LRP1B: variants seen among roughly 807,000 people sequenced by gnomAD.
LRP1B encodes the protein LDL receptor related protein 1B.
A neutral mutation model predicts 556.6 loss-of-function variants in LRP1B; 217 were observed. The ratio of observed to expected loss-of-function variants is 0.39; its 90% CI spans 0.35 to 0.44. The LOEUF (loss-of-function observed/expected upper bound fraction) is 0.44. Among genes scored for constraint, LRP1B ranks in the 20% least tolerant of loss-of-function variants. The probability of loss-of-function intolerance (pLI) is 1.00; values close to 1 mark genes in which losing one functional copy is unlikely to be tolerated. For synonymous variants in LRP1B, 2,047 were observed against 1,865.8 expected (o/e 1.10, Z -2.50); for missense variants, 5,053 against 5,620.8 (o/e 0.90, Z 3.23).
At chr2:141,802,230 C>G (rs1696030958) in intron 2 of LRP1B, among the ~76,000 whole-genome samples, 1 of 152,076 alleles carries the variant, frequency 6.6e-6, no homozygotes, top group Non-Finnish European at 1.5e-5. Flanking sequence ...GAGGGATTCT[C>G]CTCTCTTGTA....
intron 27 of LRP1B, among the ~76,000 whole-genome samples, chr2:140,858,009 A>G (rs1458266332): frequency 6.6e-6 from 1 of 152,184 alleles, no homozygotes; most frequent in African/African-American, 2.4e-5. Context: ...ATTTTAAAAA[A>G]CCATCTAGGA....
chr2:140,906,336 C>A (rs1405904816), intron 22 of LRP1B, among the ~76,000 whole-genome samples: 2 of 152,130 alleles, frequency 1.3e-5, no homozygotes. Flanking sequence ...AGAAGAAATT[C>A]TCTCATTACT....
chr2:140,982,672 T>G (rs1696805964), intron 17 of LRP1B, among the ~76,000 whole-genome samples: 1 of 152,138 alleles, frequency 6.6e-6, no homozygotes, highest in South Asian at 2.1e-4. Flanking sequence ...CAAGAAAACT[T>G]TTTTTGTAGT....
chr2:141,963,080 T>C (rs893041317), intron 1 of LRP1B, among the ~76,000 whole-genome samples: 1 of 151,812 alleles, frequency 6.6e-6, no homozygotes, highest in African/African-American at 2.4e-5. Flanking sequence ...GTTTTTTCTA[T>C]CTAAAAATCA....
chr2:141,033,630 G>C (rs527505153), intron 11 of LRP1B, among the ~76,000 whole-genome samples: 13 of 152,078 alleles, frequency 8.5e-5, no homozygotes, highest in Non-Finnish European at 1.6e-4. Context: ...ATTAGGCTTA[G>C]ATGAGGTCAT....
rs138812147 is a variant in LRP1B, at chr2:140,702,507, C to G, written c.6070G>C (p.Ala2024Pro). Residue 2024 changes from alanine (A) to proline (P), a missense_variant, in exon 38 of 91, where the codon GCT becomes CCT. By Grantham distance (27) the Ala-to-Pro change is conservative. Around this residue, in one of 5 missense-constraint regions of LRP1B, gnomAD observed 3,619 missense variants for 3,931.9 expected, o/e 0.92. Transcript: ENST00000389484. ...EWGQMPCIGK[A>P]RLDGSEKVVL... is the part of the protein sequence containing the mutation. ...ACCTTCTCTGAGCCATCCAAGCGAG[C>G]CTTTCCAATACAGGGCATTTGTCCC... The G allele has an allele frequency of 6.2e-7, 1 of 1,613,442 alleles. No individual in the cohort carries two copies.
At chr2:141,044,903 A>C (rs1698820959) in intron 11 of LRP1B, among the ~76,000 whole-genome samples, 1 of 151,544 alleles carries the variant, frequency 6.6e-6, no homozygotes, top group Non-Finnish European at 1.5e-5. Flanking sequence ...CATTTGACCC[A>C]GCCATCCCAT....
Position 140,502,950 on chromosome 2 carries a change from T to C in LRP1B, c.8662+13A>G. Reference sequence around the variant, plus strand: ...ACTTTAGAGTAAATGCGGTATTGTATATATTTCTGTACCTGCACTTTTACA... The same window carrying C: ...ACTTTAGAGTAAATGCGGTATTGTACATATTTCTGTACCTGCACTTTTACA... On this transcript the variant is annotated intron_variant, in intron 54 of 90. Transcript: ENST00000389484. 1 of 1,612,426 alleles carries C rather than the reference T, an allele frequency of 6.2e-7. No individual in the cohort carries two copies. The highest frequency in any genetic ancestry group is 8.5e-7 in the Non-Finnish European group (1 of 1,178,754).
At chr2:142,099,610 G>C (rs1185647444) in intron 1 of LRP1B, among the ~76,000 whole-genome samples, 1 of 151,804 alleles carries the variant, frequency 6.6e-6, no homozygotes, top group East Asian at 1.9e-4. Flanking sequence ...TCGAACTAAT[G>C]GTCATTTAGA....
chr2:141,294,932 G>T (rs1553489710), intron 3 of LRP1B, among the ~76,000 whole-genome samples: 1 of 151,724 alleles, frequency 6.6e-6, no homozygotes, highest in South Asian at 2.1e-4. Context: ...ATTTAAAAAG[G>T]TAATAATAAT....
chr2:141,440,465 A>C (rs1037033609), intron 3 of LRP1B, among the ~76,000 whole-genome samples: 5 of 152,178 alleles, frequency 3.3e-5, no homozygotes, highest in Non-Finnish European at 5.9e-5. Flanking sequence ...CTCCAAGGGG[A>C]CCCAGCTCCT....
intron 25 of LRP1B, among the ~76,000 whole-genome samples, chr2:140,871,161 T>C (rs981022138): frequency 6.6e-6 from 1 of 152,118 alleles, no homozygotes; most frequent in Non-Finnish European, 1.5e-5. Flanking sequence ...TGGATCAAAG[T>C]TGGAATTTCT....
At chr2:141,547,270 T>A (rs772845643) in intron 2 of LRP1B, among the ~76,000 whole-genome samples, 1 of 152,170 alleles carries the variant, frequency 6.6e-6, no homozygotes, top group Non-Finnish European at 1.5e-5. Flanking sequence ...GTCTGTCAGA[T>A]CAATATCATC....
intron 49 of LRP1B, among the ~76,000 whole-genome samples, chr2:140,519,367 T>C (rs1474906701): frequency 1.3e-5 from 2 of 152,202 alleles, no homozygotes; most frequent in Middle Eastern, 3.2e-3. Context: ...GGGAAAGGAT[T>C]CTCTATTTAA....
intron 32 of LRP1B, among the ~76,000 whole-genome samples, chr2:140,805,941 G>A (rs1366078185): frequency 6.6e-6 from 1 of 152,024 alleles, no homozygotes; most frequent in African/African-American, 2.4e-5. Context: ...TTCATATGTT[G>A]AAATCCTAAT....
At chr2:141,923,940 G>A (rs1330554291) in intron 1 of LRP1B, among the ~76,000 whole-genome samples, 1 of 151,944 alleles carries the variant, frequency 6.6e-6, no homozygotes, top group East Asian at 2.0e-4. Flanking sequence ...TTGCTAAAAA[G>A]CTTGTGATTA....
At chr2:140,419,324 G>A (rs995989423) in intron 66 of LRP1B, among the ~76,000 whole-genome samples, 1 of 152,090 alleles carries the variant, frequency 6.6e-6, no homozygotes, top group Admixed American at 6.6e-5. Context: ...GAACTGAAGA[G>A]AGAAATAGAC....
intron 2 of LRP1B, among the ~76,000 whole-genome samples, chr2:141,770,767 G>A (rs534456827): frequency 6.6e-6 from 1 of 152,210 alleles, no homozygotes; most frequent in Non-Finnish European, 1.5e-5. Context: ...AGAGGTCGGT[G>A]AGGGAGATTG....
intron 63 of LRP1B, among the ~76,000 whole-genome samples, chr2:140,446,307 C>T (rs984461869): frequency 4.6e-5 from 7 of 152,130 alleles, no homozygotes; most frequent in African/African-American, 1.4e-4. Context: ...AGCTTCAACT[C>T]TGTCTCTAGA....
Sources: gnomAD v4.1 joint callset for allele counts (sites outside exome capture counted in the v4.1 genomes callset) on GRCh38, gnomAD v4.1.1 for gene constraint, gnomAD v4.1.1 regional missense constraint, MANE v1.5 for transcripts, NCBI Gene and HGNC (gene_info 2026-07-23, HGNC 2026-07-21) for gene names.